C1QTNF3: variants seen among roughly 807,000 people sequenced by gnomAD.
The protein encoded by C1QTNF3 is complement C1q tumor necrosis factor-related protein 3.
In C1QTNF3, 26 loss-of-function variants were observed where a neutral mutation model predicts 32.6. The observed-to-expected ratio is 0.80, with a 90% confidence interval of 0.58 to 1.11. The LOEUF (loss-of-function observed/expected upper bound fraction) is 1.11, where lower values mean the gene tolerates loss of function less well. Ranked by LOEUF, C1QTNF3 falls within the 50% of genes least tolerant of loss-of-function variation. The probability of loss-of-function intolerance (pLI) is 0.00; values close to 1 mark genes in which losing one functional copy is unlikely to be tolerated. For synonymous variants in C1QTNF3, 155 were observed against 146.0 expected, an observed-to-expected ratio of 1.06 and a Z score of -0.44; for missense variants, 362 against 398.2, an observed-to-expected ratio of 0.91 and a Z score of 0.77.
the C1QTNF3 span, among the ~76,000 whole-genome samples, chr5:34,201,738 T>C: frequency 6.6e-6 from 1 of 152,218 alleles, no homozygotes; most frequent in Non-Finnish European, 1.5e-5. Context: ...TTAAGTGCTA[T>C]ATTTTTCCAA....
At chr5:34,131,726 C>G in the C1QTNF3 span, among the ~76,000 whole-genome samples, 3 of 152,048 alleles carry the variant, frequency 2.0e-5, no homozygotes, top group Middle Eastern at 3.4e-3. Flanking sequence ...GTGGGATGAC[C>G]GTAGTTGATA....
chr5:34,057,214 A>T, the C1QTNF3 span, among the ~76,000 whole-genome samples: 1 of 152,216 alleles, frequency 6.6e-6, no homozygotes, highest in Non-Finnish European at 1.5e-5. Context: ...CTTCATGTCA[A>T]ATATCAAGAG....
chr5:34,215,716 C>T, the C1QTNF3 span, among the ~76,000 whole-genome samples: 2,206 of 152,194 alleles, frequency 0.014, 64 homozygotes, highest in East Asian at 0.11. Context: ...ATGATTATGG[C>T]TCAACCTCCA....
At chr5:34,054,772 T>C in the C1QTNF3 span, among the ~76,000 whole-genome samples, 1 of 152,296 alleles carries the variant, frequency 6.6e-6, no homozygotes, top group Non-Finnish European at 1.5e-5. Flanking sequence ...TTTACCTTCC[T>C]GTCTGTCTCC....
chr5:34,074,281 C>G, the C1QTNF3 span, among the ~76,000 whole-genome samples: 4 of 151,716 alleles, frequency 2.6e-5, no homozygotes, highest in African/African-American at 9.8e-5. Context: ...TGTCGTTATG[C>G]TGAATGCAAA....
chr5:34,031,122 G>T (rs1321289406), intron 3 of C1QTNF3, among the ~76,000 whole-genome samples: 2 of 151,876 alleles, frequency 1.3e-5, no homozygotes, highest in East Asian at 3.8e-4. Flanking sequence ...AAAAGCTTTT[G>T]CTTAAAACCA....
chr5:34,240,214 A>C, the C1QTNF3 span, among the ~76,000 whole-genome samples: 1 of 151,592 alleles, frequency 6.6e-6, no homozygotes, highest in Non-Finnish European at 1.5e-5. Context: ...CTACACCTAA[A>C]GGAACTAGGG....
the C1QTNF3 span, among the ~76,000 whole-genome samples, chr5:34,226,459 T>C: frequency 7.2e-5 from 11 of 152,050 alleles, no homozygotes; most frequent in African/African-American, 2.4e-4. Context: ...ATGCTTTTGT[T>C]ACTAGATTTT....
At chr5:34,155,238 G>A in the C1QTNF3 span, among the ~76,000 whole-genome samples, 1 of 152,144 alleles carries the variant, frequency 6.6e-6, no homozygotes, top group Admixed American at 6.5e-5. Flanking sequence ...CATGTACACA[G>A]CATAAAGGGA....
the C1QTNF3 span, among the ~76,000 whole-genome samples, chr5:34,056,477 TATAGAGAGAGAG>T: frequency 5.1e-3 from 444 of 87,172 alleles, 2 homozygotes; most frequent in Middle Eastern, 0.023. Context: ...TATATATATA[TATAGAGAGAGAG>T]AGAGAGAGAG....
At chr5:34,194,252 T>C in the C1QTNF3 span, among the ~76,000 whole-genome samples, 3 of 152,408 alleles carry the variant, frequency 2.0e-5, no homozygotes, top group South Asian at 2.1e-4. Flanking sequence ...ATCAGAGTTA[T>C]GCATTGTTTC....
At chr5:34,033,099 C>T (rs1754655701) in intron 3 of C1QTNF3, 2 of 513,422 alleles carry the variant, frequency 3.9e-6, no homozygotes, top group Non-Finnish European at 3.4e-6. Flanking sequence ...ATAAATGTCT[C>T]TCCTCCCTAA....
the C1QTNF3 span, chr5:34,200,884 A>G: frequency 2.2e-4 from 34 of 152,006 alleles, no homozygotes; most frequent in African/African-American, 7.5e-4. Flanking sequence ...TCTCATCTGA[A>G]TTGTTTCTTC....
chr5:34,210,480 G>A, the C1QTNF3 span, among the ~76,000 whole-genome samples: 9 of 150,770 alleles, frequency 6.0e-5, no homozygotes, highest in East Asian at 3.9e-4. Flanking sequence ...ACTAAAAATC[G>A]TAGTCTTTCA....
the C1QTNF3 span, among the ~76,000 whole-genome samples, chr5:34,217,974 T>G: frequency 6.6e-6 from 1 of 151,896 alleles, no homozygotes; most frequent in East Asian, 1.9e-4. Context: ...CATTTTGGCC[T>G]ATTTACTGTT....
In C1QTNF3 at chr5:34,018,210, G is replaced by T. The variant is rs753742997; in HGVS notation, c.*2373C>A. On this transcript the variant is annotated 3_prime_UTR_variant, in exon 6 of 6. Coordinates refer to ENST00000382065, the MANE Select transcript of C1QTNF3 (RefSeq NM_181435.6). ...ATTAATTTTATACTAAATATTTTGG[G>T]GAATTTTATAAATTTTCTATAGTGA... Among the ~76,000 whole-genome samples, 1 of 151,062 alleles carries T rather than the reference G, an allele frequency of 6.6e-6. No individual in the cohort carries two copies. Among genetic ancestry groups the T allele is most frequent in the Admixed American group, 6.6e-5 (1 of 15,186 alleles).
At chr5:34,087,402 C>T in the C1QTNF3 span, among the ~76,000 whole-genome samples, 5 of 151,776 alleles carry the variant, frequency 3.3e-5, no homozygotes, top group Admixed American at 6.6e-5. Context: ...AAAGAGGAGC[C>T]GAATATTTTA....
chr5:34,035,471 G>A (rs1212365854), intron 2 of C1QTNF3, among the ~76,000 whole-genome samples, 176 bp downstream of exon 2: 1 of 152,174 alleles, frequency 6.6e-6, no homozygotes, highest in African/African-American at 2.4e-5. Context: ...TGGTCGTTTC[G>A]GACTCAATGC....
the C1QTNF3 span, among the ~76,000 whole-genome samples, chr5:34,056,420 A>ATGTGTGTG: frequency 4.4e-3 from 171 of 38,724 alleles, 2 homozygotes; most frequent in South Asian, 4.8e-3. Context: ...ATGTATATGT[A>ATGTGTGTG]TGTGTGTGTG....
Sources: gnomAD v4.1 joint callset for allele counts (sites outside exome capture counted in the v4.1 genomes callset) on GRCh38, gnomAD v4.1.1 for gene constraint, MANE v1.5 for transcripts, NCBI Gene and HGNC (gene_info 2026-07-23, HGNC 2026-07-21) for gene names.